KDM4C: variants seen among roughly 807,000 people sequenced by gnomAD.
The protein encoded by KDM4C is lysine demethylase 4C.
In KDM4C, 81 loss-of-function variants were observed where a neutral mutation model predicts 129.3. The observed-to-expected ratio is 0.63, with a 90% CI of 0.52 to 0.75. The LOEUF (loss-of-function observed/expected upper bound fraction) is 0.75, where lower values mean the gene tolerates loss of function less well. KDM4C is among the 30% of genes least tolerant of loss of function. The pLI, the probability that KDM4C is intolerant of heterozygous loss-of-function variation, is 0.00. For missense variants in KDM4C, 1,457 were observed against 1,304.0 expected, an observed-to-expected ratio of 1.12 and a Z score of -1.81; for synonymous variants, 573 against 456.1, an observed-to-expected ratio of 1.26 and a Z score of -3.26.
chr9:7,087,231 G>A (rs1194004651), intron 17 of KDM4C, among the ~76,000 whole-genome samples: 1 of 151,270 alleles, frequency 6.6e-6, no homozygotes, highest in African/African-American at 2.4e-5. Flanking sequence ...AGACATTACT[G>A]CAACAAAACC....
chr9:6,808,757 A>C (rs1386151610), intron 3 of KDM4C, among the ~76,000 whole-genome samples: 1 of 150,916 alleles, frequency 6.6e-6, no homozygotes, highest in Non-Finnish European at 1.5e-5. Flanking sequence ...GTTACAAGCC[A>C]GTTGTTAAGT....
At chr9:7,139,207 C>T (rs766828652) in intron 19 of KDM4C, among the ~76,000 whole-genome samples, 20 of 152,036 alleles carry the variant, frequency 1.3e-4, no homozygotes, top group African/African-American at 1.9e-4. Context: ...CCTGGGAGGC[C>T]GAGGTTGCAA....
intron 12 of KDM4C, among the ~76,000 whole-genome samples, 199 bp downstream of exon 12, chr9:6,990,723 C>G (rs1818595490): frequency 6.6e-6 from 1 of 151,984 alleles, no homozygotes; most frequent in Non-Finnish European, 1.5e-5. Flanking sequence ...ATAAGCTAGC[C>G]TTATTACTGG....
intron 21 of KDM4C, among the ~76,000 whole-genome samples, chr9:7,173,711 C>T (rs1220897498): frequency 1.3e-5 from 2 of 152,162 alleles, no homozygotes; most frequent in East Asian, 3.9e-4. Flanking sequence ...GGTGCATGGG[C>T]ATGGTGGTGC....
intron 15 of KDM4C, among the ~76,000 whole-genome samples, chr9:7,027,642 G>A (rs143840912): frequency 4.1e-4 from 62 of 152,288 alleles, no homozygotes; most frequent in Middle Eastern, 6.8e-3. Flanking sequence ...GTCAGCAGAT[G>A]GTGAAGCTAG....
intron 5 of KDM4C, among the ~76,000 whole-genome samples, chr9:6,856,333 G>A (rs1839800699): frequency 6.6e-6 from 1 of 152,086 alleles, no homozygotes; most frequent in Non-Finnish European, 1.5e-5. Context: ...AAGACTTACT[G>A]GATGGTGTAA....
chr9:6,970,196 A>G (rs1470989675), intron 8 of KDM4C, among the ~76,000 whole-genome samples: 2 of 152,252 alleles, frequency 1.3e-5, no homozygotes, highest in Non-Finnish European at 2.9e-5. Flanking sequence ...CAGCCACATC[A>G]GTTCCAGTAA....
chr9:7,098,106 G>A (rs1347577545), intron 17 of KDM4C, among the ~76,000 whole-genome samples: 1 of 152,218 alleles, frequency 6.6e-6, no homozygotes, highest in Admixed American at 6.5e-5. Flanking sequence ...TTGTCTGTTT[G>A]TGTCTGAAAT....
intron 2 of KDM4C, among the ~76,000 whole-genome samples, chr9:6,800,517 C>T (rs1169387521): frequency 6.6e-6 from 1 of 151,778 alleles, no homozygotes; most frequent in Admixed American, 6.6e-5. Context: ...CAAGCCTGGG[C>T]AACAGAGTCC....
At chr9:6,871,229 G>T (rs1842784563) in intron 5 of KDM4C, among the ~76,000 whole-genome samples, 1 of 152,210 alleles carries the variant, frequency 6.6e-6, no homozygotes, top group African/African-American at 2.4e-5. Flanking sequence ...TTGAACTAGA[G>T]AAAGTAGATT....
intron 1 of KDM4C, among the ~76,000 whole-genome samples, chr9:6,770,991 G>T (rs1794777789): frequency 6.7e-6 from 1 of 149,982 alleles, no homozygotes; most frequent in Non-Finnish European, 1.5e-5. Flanking sequence ...GGCCAAGCTG[G>T]TCTCAAACTC....
chr9:7,021,709 A>G (rs191555565), intron 15 of KDM4C, among the ~76,000 whole-genome samples: 244 of 152,222 alleles, frequency 1.6e-3, no homozygotes, highest in African/African-American at 5.7e-3. Flanking sequence ...TTTATGGGGT[A>G]TTACTCAAGA....
chr9:6,941,706 G>T (rs1825969540), intron 8 of KDM4C: 1 of 152,202 alleles, frequency 6.6e-6, no homozygotes, highest in Non-Finnish European at 1.5e-5. Context: ...AGCCAGAGAT[G>T]GCCATGCGCT....
chr9:6,951,180 C>T (rs1828076953), intron 8 of KDM4C, among the ~76,000 whole-genome samples: 1 of 152,054 alleles, frequency 6.6e-6, no homozygotes, highest in Non-Finnish European at 1.5e-5. Flanking sequence ...GTGTTGGGAA[C>T]ATTCAATGTC....
chr9:6,845,296 C>T (rs546523935), intron 4 of KDM4C, among the ~76,000 whole-genome samples: 12 of 152,222 alleles, frequency 7.9e-5, no homozygotes, highest in African/African-American at 2.6e-4. Context: ...CTCACTCTAG[C>T]CTTGACCTTC....
chr9:6,998,243 G>A (rs1050704575), intron 12 of KDM4C, among the ~76,000 whole-genome samples: 1 of 152,036 alleles, frequency 6.6e-6, no homozygotes, highest in African/African-American at 2.4e-5. Context: ...TTATTTCTTG[G>A]GACGTCTGTA....
rs561144611 is a variant in KDM4C, at chr9:6,910,260, A to G, written c.921+17028A>G. Among the ~76,000 whole-genome samples, 4 of 152,314 alleles carry G rather than the reference A, an allele frequency of 2.6e-5. No individual in the cohort carries two copies. The South Asian group carries it at 8.3e-4, about 32-fold the overall frequency. ...TACATTAATATATAAAGAAATTCCC[A>G]TTTGTAATTCATTAATCTTTAAATG... On this transcript the variant is annotated intron_variant, in intron 8 of 21. Coordinates refer to ENST00000381309, the MANE Select transcript of KDM4C (RefSeq NM_015061.6).
intron 17 of KDM4C, among the ~76,000 whole-genome samples, chr9:7,090,056 A>G (rs1456468902): frequency 3.3e-5 from 5 of 152,080 alleles, no homozygotes; most frequent in African/African-American, 9.7e-5. Context: ...GTTGCTGTCC[A>G]ATGCTTGAAA....
intron 1 of KDM4C, among the ~76,000 whole-genome samples, chr9:6,791,285 A>G (rs180748021): frequency 2.0e-5 from 3 of 152,146 alleles, no homozygotes; most frequent in Admixed American, 2.0e-4. Context: ...CTAATTTTTT[A>G]TATTTTTAGT....
Sources: allele counts gnomAD v4.1 joint callset (sites outside exome capture counted in the v4.1 genomes callset), GRCh38; gene constraint gnomAD v4.1.1; transcripts MANE v1.5; gene names NCBI Gene and HGNC (gene_info 2026-07-23, HGNC 2026-07-21).